Variants in ADAM22 observed in about 807,000 individuals in gnomAD.
ADAM22 encodes ADAM metallopeptidase domain 22, also known as disintegrin and metalloproteinase domain-containing protein 22.
In ADAM22, 65 loss-of-function variants were observed where a neutral mutation model predicts 144.6. That is an observed-to-expected ratio of 0.45 (90% confidence interval 0.37 to 0.55). The LOEUF (loss-of-function observed/expected upper bound fraction) is 0.55. ADAM22 is among the 20% of genes least tolerant of loss of function. The probability of loss-of-function intolerance (pLI) is 0.00; values close to 1 mark genes in which losing one functional copy is unlikely to be tolerated. For synonymous variants in ADAM22, 391 were observed against 412.6 expected, an observed-to-expected ratio of 0.95 and a Z score of 0.63; for missense variants, 974 against 1,184.9, an observed-to-expected ratio of 0.82 and a Z score of 2.61.
At chr7:88,019,857 ATGTG>A (rs35909431) in intron 3 of ADAM22, among the ~76,000 whole-genome samples, 23,399 of 138,822 alleles carry the variant, frequency 0.17, 1,962 homozygotes, top group African/African-American at 0.21. Context: ...CTCAAAAAAT[ATGTG>A]TGTGTGTGTG....
intron 26 of ADAM22, among the ~76,000 whole-genome samples, chr7:88,175,933 C>G (rs902043992): frequency 6.6e-6 from 1 of 152,014 alleles, no homozygotes; most frequent in Admixed American, 6.6e-5. Context: ...AGACAAATTT[C>G]TAAATGAAGG....
At chr7:88,017,229 C>T (rs183768610) in intron 3 of ADAM22, among the ~76,000 whole-genome samples, 7 of 152,134 alleles carry the variant, frequency 4.6e-5, no homozygotes, top group Admixed American at 2.0e-4. Context: ...ATATATTTAA[C>T]GATAATTTAT....
intron 27 of ADAM22, among the ~76,000 whole-genome samples, chr7:88,180,235 A>G (rs1229835364): frequency 6.6e-6 from 1 of 152,124 alleles, no homozygotes; most frequent in Non-Finnish European, 1.5e-5. Flanking sequence ...GTTTTAAAAA[A>G]TGTATTCTTT....
rs552937918 is a variant in ADAM22 at position 88,053,785 on chromosome 7, A to G, written c.324-21841A>G. 1.7e-4 allele frequency among the ~76,000 whole-genome samples: 26 copies of G among 152,316 alleles called. No individual in the cohort carries two copies. In the South Asian group the frequency reaches 5.2e-3, roughly 30 times the overall value. ...TGATGGATTTACCATAATTTACTAA[A>G]TATTCCTCTGTTAAGGCTCATTAAG... is the stretch of plus-strand genomic sequence containing the variant. On this transcript the variant is annotated intron_variant, in intron 3 of 31. Transcript: ENST00000413139.
At chr7:88,155,230 A>T (rs185213652) in intron 21 of ADAM22, among the ~76,000 whole-genome samples, 31 of 148,264 alleles carry the variant, frequency 2.1e-4, no homozygotes, top group African/African-American at 7.8e-4. Flanking sequence ...ATTACCAATT[A>T]AAAAAAAAAT....
At position 88,153,361 on chromosome 7, in the gene ADAM22, T is replaced by C. The variant is rs1367363677; in HGVS notation, c.1787+35T>C. 3 of 1,552,850 alleles carry C rather than the reference T, an allele frequency of 1.9e-6. No individual in the cohort carries two copies. The East Asian group carries it at 6.8e-5, about 35-fold the overall frequency. On this transcript the variant is annotated intron_variant, in intron 21 of 31. Transcript: ENST00000413139. ...AGACGTCAGCCCAGAATTCATCCCTTGGTCAATTACAAGTGTACTTTTTTG... is the reference window on the plus strand; with the variant it reads ...AGACGTCAGCCCAGAATTCATCCCTCGGTCAATTACAAGTGTACTTTTTTG...
intron 3 of ADAM22, among the ~76,000 whole-genome samples, chr7:87,993,234 A>C (rs1219268077): frequency 6.6e-6 from 1 of 152,180 alleles, no homozygotes; most frequent in African/African-American, 2.4e-5. Flanking sequence ...CTAACTACTA[A>C]ATGTACACCC....
chr7:88,015,295 C>T (rs554625724), intron 3 of ADAM22, among the ~76,000 whole-genome samples: 5 of 152,172 alleles, frequency 3.3e-5, no homozygotes, highest in African/African-American at 1.2e-4. Flanking sequence ...ATAAATTTTA[C>T]CTTGCTATTC....
chr7:88,082,813 G>A (rs1216314082), intron 4 of ADAM22, among the ~76,000 whole-genome samples: 1 of 152,014 alleles, frequency 6.6e-6, no homozygotes, highest in East Asian at 1.9e-4. Flanking sequence ...AGTTAGAATG[G>A]CGATCATTAA....
At chr7:88,095,292 C>A (rs2282956) in intron 4 of ADAM22, among the ~76,000 whole-genome samples, 63,322 of 152,002 alleles carry the variant, frequency 0.42, 15,420 homozygotes, top group East Asian at 0.88. Context: ...GGAACTTGTA[C>A]TATATTCTCA....
chr7:88,013,329 G>A (rs570998374), intron 3 of ADAM22, among the ~76,000 whole-genome samples: 1 of 152,248 alleles, frequency 6.6e-6, no homozygotes, highest in South Asian at 2.1e-4. Flanking sequence ...TTTTCCTTGT[G>A]AAAATGAGGG....
At chr7:87,965,654 TTTACTCTCAGA>T (rs1175240707) in intron 2 of ADAM22, among the ~76,000 whole-genome samples, 5 of 152,198 alleles carry the variant, frequency 3.3e-5, no homozygotes, top group African/African-American at 1.2e-4. Flanking sequence ...AAAGTGAGCC[TTTACTCTCAGA>T]TACATCTAAT....
At chr7:87,957,736 C>A (rs1309399644) in intron 2 of ADAM22, among the ~76,000 whole-genome samples, 1 of 152,052 alleles carries the variant, frequency 6.6e-6, no homozygotes, top group African/African-American at 2.4e-5. Flanking sequence ...GTGCGCACTA[C>A]CATGCCTGGC....
intron 3 of ADAM22, among the ~76,000 whole-genome samples, chr7:88,012,649 TTATAC>T (rs1478693332): frequency 2.0e-4 from 30 of 152,192 alleles, no homozygotes; most frequent in African/African-American, 6.8e-4. Flanking sequence ...CCCGTGAATA[TTATAC>T]TAGAGCCCTA....
At chr7:88,107,927 C>T (rs975433568) in intron 4 of ADAM22, among the ~76,000 whole-genome samples, 13 of 152,250 alleles carry the variant, frequency 8.5e-5, no homozygotes, top group Non-Finnish European at 1.9e-4. Context: ...CTTTGTTCCT[C>T]TAATATCACC....
chr7:88,141,084 G>T (rs183344015), intron 14 of ADAM22, among the ~76,000 whole-genome samples: 1 of 152,168 alleles, frequency 6.6e-6, no homozygotes, highest in Non-Finnish European at 1.5e-5. Context: ...GGTTCCTCCC[G>T]TGGTGGAGAC....
chr7:88,150,617 A>T (rs904487506), intron 18 of ADAM22, among the ~76,000 whole-genome samples: 3 of 152,154 alleles, frequency 2.0e-5, no homozygotes, highest in Non-Finnish European at 4.4e-5. Context: ...GAAAAATAGT[A>T]TATCTGTATG....
chr7:88,193,535 C>T (rs1284337876), intron 31 of ADAM22, among the ~76,000 whole-genome samples: 1 of 152,280 alleles, frequency 6.6e-6, no homozygotes, highest in East Asian at 1.9e-4. Flanking sequence ...TGCTATATCA[C>T]CTTTTACATT....
In ADAM22 at chr7:88,172,545, C is replaced by T. The variant is rs188758859; in HGVS notation, c.2300+984C>T. 1.2e-3 allele frequency among the ~76,000 whole-genome samples: 180 copies of T among 151,976 alleles called. 3 individuals are homozygous for T. Among genetic ancestry groups the T allele is most frequent in the Non-Finnish European group, 1.0e-4 (7 of 67,816 alleles). ...GGTAATTTGTCATGCTCCATCACAACTTTCATTTTTTTCACAAATCAAAAA... is the reference window on the plus strand; with the variant it reads ...GGTAATTTGTCATGCTCCATCACAATTTTCATTTTTTTCACAAATCAAAAA... On this transcript the variant is annotated intron_variant, in intron 26 of 31. Transcript: ENST00000413139.
Sources: gnomAD v4.1 joint callset for allele counts (sites outside exome capture counted in the v4.1 genomes callset) on GRCh38, gnomAD v4.1.1 for gene constraint, MANE v1.5 for transcripts, NCBI Gene and HGNC (gene_info 2026-07-23, HGNC 2026-07-21) for gene names.